FIP1L1: variants seen among roughly 807,000 people sequenced by gnomAD.
The protein encoded by FIP1L1 is factor interacting with PAPOLA and CPSF1.
FIP1L1 carries 21 observed loss-of-function variants against 84.6 expected under a neutral mutation model. The ratio of observed to expected loss-of-function variants is 0.25; its 90% CI spans 0.18 to 0.36. The LOEUF (loss-of-function observed/expected upper bound fraction) is 0.36, where lower values mean the gene tolerates loss of function less well. Ranked by LOEUF, FIP1L1 falls within the 10% of genes least tolerant of loss-of-function variation. The probability of loss-of-function intolerance (pLI) is 1.00; values close to 1 mark genes in which losing one functional copy is unlikely to be tolerated. For synonymous variants in FIP1L1, 263 were observed against 242.3 expected (o/e 1.09, Z -0.80); for missense variants, 526 against 751.1 (o/e 0.70, Z 3.50).
chr4:53,444,873 G>C (rs891557832), intron 15 of FIP1L1, among the ~76,000 whole-genome samples: 4 of 152,054 alleles, frequency 2.6e-5, no homozygotes, highest in Admixed American at 1.3e-4. Flanking sequence ...CACCTGACCT[G>C]TACTAAGTTT....
chr4:53,414,561 G>A, intron 10 of FIP1L1, 54 bp from the exon 11 acceptor site: 1 of 1,213,506 alleles, frequency 8.2e-7, no homozygotes, highest in Non-Finnish European at 1.2e-6. Flanking sequence ...ACAGAACAAG[G>A]GGGGTCAGAG....
intron 13 of FIP1L1, among the ~76,000 whole-genome samples, chr4:53,433,249 C>T (rs1252707508): frequency 1.3e-5 from 2 of 152,160 alleles, no homozygotes; most frequent in Non-Finnish European, 2.9e-5. Flanking sequence ...AAAACTTTTT[C>T]ATCATCTCCA....
chr4:53,399,883 T>G, intron 10 of FIP1L1, 44 bp downstream of exon 10: 1 of 1,261,258 alleles, frequency 7.9e-7, no homozygotes, highest in Non-Finnish European at 1.1e-6. Flanking sequence ...GACATTGGTA[T>G]CTTTACATTG....
intron 10 of FIP1L1, among the ~76,000 whole-genome samples, chr4:53,408,887 T>C (rs1367586095): frequency 3.9e-5 from 6 of 151,980 alleles, no homozygotes; most frequent in Non-Finnish European, 7.4e-5. Context: ...ATTCTAGTTA[T>C]ACATTCTTCT....
chr4:53,452,891 G>T, intron 15 of FIP1L1, 29 bp from the exon 16 acceptor site: 2 of 1,587,290 alleles, frequency 1.3e-6, no homozygotes, highest in Non-Finnish European at 8.6e-7. Context: ...GTACCATAAC[G>T]TTTGTTTTTA....
At chr4:53,435,198 A>G (rs1768587229) in intron 13 of FIP1L1, among the ~76,000 whole-genome samples, 1 of 152,222 alleles carries the variant, frequency 6.6e-6, no homozygotes, top group Non-Finnish European at 1.5e-5. Flanking sequence ...CTAATTATCT[A>G]TAATAAATAG....
At chr4:53,428,981 C>T (rs1182699862) in intron 13 of FIP1L1, among the ~76,000 whole-genome samples, 1 of 152,162 alleles carries the variant, frequency 6.6e-6, no homozygotes, top group Non-Finnish European at 1.5e-5. Flanking sequence ...TTAATCAAAT[C>T]AGTTTATACT....
intron 4 of FIP1L1, among the ~76,000 whole-genome samples, chr4:53,382,968 A>G (rs1738883763): frequency 6.6e-6 from 1 of 152,120 alleles, no homozygotes. Context: ...CAAGAATACC[A>G]AGAATAACTG....
intron 10 of FIP1L1, among the ~76,000 whole-genome samples, chr4:53,413,624 T>C (rs1560530694): frequency 6.6e-6 from 1 of 152,100 alleles, no homozygotes; most frequent in Non-Finnish European, 1.5e-5. Flanking sequence ...TTCAGTAGTT[T>C]AGGATTTGTT....
chr4:53,404,169 C>T (rs1751868390), intron 10 of FIP1L1, among the ~76,000 whole-genome samples: 1 of 103,196 alleles, frequency 9.7e-6, no homozygotes, highest in Non-Finnish European at 1.8e-5. Context: ...CCTCCCCCCA[C>T]CCCACAACAG....
At chr4:53,430,452 G>A (rs1451286960) in intron 13 of FIP1L1, among the ~76,000 whole-genome samples, 3 of 146,852 alleles carry the variant, frequency 2.0e-5, no homozygotes, top group East Asian at 2.1e-4. Context: ...AGGCTCAAGC[G>A]ATCCTCCTGC....
At chr4:53,410,715 A>G (rs1212457641) in intron 10 of FIP1L1, among the ~76,000 whole-genome samples, 1 of 152,234 alleles carries the variant, frequency 6.6e-6, no homozygotes, top group Non-Finnish European at 1.5e-5. Context: ...TTGTTTAAGA[A>G]TGTATTCCAG....
In FIP1L1 at chr4:53,430,341, C is replaced by CTTT. The variant is rs376793476; in HGVS notation, c.1174+2180_1174+2182dup. ...ACTTTTTTTCAAAATGATAAAATTACTTTTTTTTTTTTTTTTTTTTTTTTG... is the reference window on the plus strand; with the variant it reads ...ACTTTTTTTCAAAATGATAAAATTACTTTTTTTTTTTTTTTTTTTTTTTTTTTG... On this transcript the variant is annotated intron_variant, in intron 13 of 17. Coordinates refer to ENST00000337488, the MANE Select transcript of FIP1L1 (RefSeq NM_030917.4). Among the ~76,000 whole-genome samples the CTTT allele has an allele frequency of 3.0e-3, 230 of 75,748 alleles. 1 individual carries two copies. Among genetic ancestry groups the CTTT allele is most frequent in the Non-Finnish European group, 3.6e-3 (154 of 42,584 alleles). 49.7% of individuals were successfully genotyped at this position (75,748 alleles called of 152,430 possible). A position where few individuals can be genotyped will look rare whatever the true frequency, so the allele number is the denominator to read the frequency against.
intron 13 of FIP1L1, among the ~76,000 whole-genome samples, chr4:53,432,391 T>C (rs913736297): frequency 5.8e-5 from 2 of 34,532 alleles, no homozygotes. Flanking sequence ...AGAGCAAAAC[T>C]CCATCTCAAA....
intron 13 of FIP1L1, among the ~76,000 whole-genome samples, chr4:53,431,685 A>G (rs1231308656): frequency 2.0e-5 from 3 of 152,292 alleles, no homozygotes. Flanking sequence ...GTCCTACTTT[A>G]TACCTTCTAT....
intron 13 of FIP1L1, among the ~76,000 whole-genome samples, chr4:53,431,124 G>A (rs1186666651): frequency 6.6e-6 from 1 of 152,130 alleles, no homozygotes; most frequent in Non-Finnish European, 1.5e-5. Context: ...ACATATTTAT[G>A]TATCCATAAC....
At chr4:53,435,044 C>A (rs937165944) in intron 13 of FIP1L1, among the ~76,000 whole-genome samples, 2 of 152,062 alleles carry the variant, frequency 1.3e-5, no homozygotes, top group Non-Finnish European at 2.9e-5. Flanking sequence ...GCACTGTTTG[C>A]CAGAAATGTA....
intron 15 of FIP1L1, among the ~76,000 whole-genome samples, chr4:53,451,765 T>C (rs980261589): frequency 1.3e-5 from 2 of 152,146 alleles, no homozygotes; most frequent in Admixed American, 1.3e-4. Context: ...TGCTATTGAA[T>C]AGCGTATATT....
intron 10 of FIP1L1, among the ~76,000 whole-genome samples, chr4:53,404,279 T>G (rs13134518): frequency 6.0e-5 from 9 of 150,574 alleles, no homozygotes; most frequent in African/African-American, 2.2e-4. Flanking sequence ...TTTGTTCTTG[T>G]GATAGTTTAC....
Sources: allele counts gnomAD v4.1 joint callset (sites outside exome capture counted in the v4.1 genomes callset), GRCh38; gene constraint gnomAD v4.1.1; transcripts MANE v1.5; gene names NCBI Gene and HGNC (gene_info 2026-07-23, HGNC 2026-07-21).